Variants in SOX5 observed in about 807,000 individuals in gnomAD.
SOX5 encodes SRY-box transcription factor 5, also known as transcription factor SOX-5.
Under a neutral mutation model 92.0 loss-of-function variants are expected in SOX5, and 9 were observed. That is an observed-to-expected ratio of 0.10 (90% CI 0.06 to 0.17). The LOEUF (loss-of-function observed/expected upper bound fraction) is 0.17, where lower values mean the gene tolerates loss of function less well. Ranked by LOEUF, SOX5 falls within the 10% of genes least tolerant of loss-of-function variation. SOX5 has a pLI of 1.00. For synonymous variants in SOX5, 344 were observed against 336.3 expected (o/e 1.02, Z -0.25); for missense variants, 642 against 944.5 (o/e 0.68, Z 4.20).
At chr12:23,966,185 A>G (rs187245601) in intron 4 of SOX5, among the ~76,000 whole-genome samples, 87 of 119,326 alleles carry the variant, frequency 7.3e-4, no homozygotes, top group African/African-American at 2.7e-3. Context: ...AGATTTCTTC[A>G]GAGGGACACT....
chr12:23,958,600 T>C (rs2139976906), intron 4 of SOX5, among the ~76,000 whole-genome samples: 1 of 152,060 alleles, frequency 6.6e-6, no homozygotes, highest in East Asian at 1.9e-4. Context: ...CCAAAGTCTT[T>C]TGATTACAAA....
At chr12:24,274,335 T>C (rs1001909611) in intron 3 of SOX5, among the ~76,000 whole-genome samples, 9 of 152,216 alleles carry the variant, frequency 5.9e-5, no homozygotes, top group African/African-American at 1.7e-4. Flanking sequence ...TGTCTTCCTA[T>C]TGAATTGAAA....
At chr12:24,289,945 A>G (rs1251863591) in intron 2 of SOX5, among the ~76,000 whole-genome samples, 1 of 152,202 alleles carries the variant, frequency 6.6e-6, no homozygotes, top group Non-Finnish European at 1.5e-5. Flanking sequence ...AAGTGTAAAC[A>G]TCACCAGACT....
At chr12:23,755,302 G>A (rs897907016) in intron 4 of SOX5, among the ~76,000 whole-genome samples, 7 of 151,558 alleles carry the variant, frequency 4.6e-5, no homozygotes, top group Non-Finnish European at 7.4e-5. Context: ...ATAAAATACA[G>A]TTTTTAACCT....
chr12:23,664,829 G>A (rs1593083909), intron 7 of SOX5, among the ~76,000 whole-genome samples: 1 of 152,232 alleles, frequency 6.6e-6, no homozygotes, highest in Middle Eastern at 3.4e-3. Flanking sequence ...GACAGAATCA[G>A]CAACTGCCTT....
intron 1 of SOX5, among the ~76,000 whole-genome samples, chr12:24,502,020 C>T (rs910278796): frequency 6.6e-6 from 1 of 152,186 alleles, no homozygotes; most frequent in Non-Finnish European, 1.5e-5. Context: ...AAACACTCAG[C>T]CTGCAATGGG....
chr12:24,471,918 C>G (rs1944861786), intron 1 of SOX5, among the ~76,000 whole-genome samples: 1 of 151,766 alleles, frequency 6.6e-6, no homozygotes, highest in Admixed American at 6.6e-5. Context: ...CAAAACAAAG[C>G]CTCATAAATG....
intron 6 of SOX5, among the ~76,000 whole-genome samples, chr12:23,710,805 G>A (rs1438745304): frequency 1.3e-5 from 2 of 152,172 alleles, no homozygotes; most frequent in East Asian, 3.9e-4. Flanking sequence ...AGATCCTTGA[G>A]GAATCGCCAC....
At chr12:23,707,514 G>C (rs1037320375) in intron 6 of SOX5, among the ~76,000 whole-genome samples, 3 of 152,110 alleles carry the variant, frequency 2.0e-5, no homozygotes, top group Admixed American at 6.6e-5. Flanking sequence ...ATATAGGCCA[G>C]GGCGTACTAC....
intron 2 of SOX5, among the ~76,000 whole-genome samples, chr12:23,890,359 A>T (rs1399246575): frequency 2.0e-5 from 3 of 152,102 alleles, no homozygotes; most frequent in Non-Finnish European, 2.9e-5. Context: ...CTCAACACAC[A>T]AGTATTTTAA....
At chr12:24,409,004 C>T (rs10771085) in intron 1 of SOX5, among the ~76,000 whole-genome samples, 97,404 of 152,026 alleles carry the variant, frequency 0.64, 31,748 homozygotes, top group East Asian at 0.98. Flanking sequence ...TAAATCATTC[C>T]ACTATAAAGA....
At chr12:24,263,064 A>T (rs1249989754) in intron 3 of SOX5, among the ~76,000 whole-genome samples, 1 of 152,066 alleles carries the variant, frequency 6.6e-6, no homozygotes, top group Non-Finnish European at 1.5e-5. Flanking sequence ...TCTACAAAAA[A>T]AAAAGGAAAA....
chr12:23,588,302 C>G (rs1161595557), intron 9 of SOX5, among the ~76,000 whole-genome samples: 1 of 151,906 alleles, frequency 6.6e-6, no homozygotes, highest in Non-Finnish European at 1.5e-5. Context: ...TTAATTATAA[C>G]GATTTTGGAT....
chr12:23,955,742 T>C (rs1946213482), upstream of SOX5, among the ~76,000 whole-genome samples: 1 of 150,766 alleles, frequency 6.6e-6, no homozygotes, highest in Admixed American at 6.8e-5. Flanking sequence ...AGGTTTCTTT[T>C]GAGTAAAAAA....
chr12:23,967,798 A>G (rs1248505413), intron 4 of SOX5, among the ~76,000 whole-genome samples: 1 of 152,188 alleles, frequency 6.6e-6, no homozygotes, highest in Non-Finnish European at 1.5e-5. Flanking sequence ...TCCTGTCTGT[A>G]TCCTCTGATT....
chr12:24,406,329 G>C (rs1238854548), intron 1 of SOX5, among the ~76,000 whole-genome samples: 1 of 152,156 alleles, frequency 6.6e-6, no homozygotes, highest in Non-Finnish European at 1.5e-5. Context: ...TTGAAGCTGC[G>C]TGGGTCCATC....
rs142939705 is a variant in SOX5, at chr12:23,640,730, G to C, written c.1017+82C>G. 0.012 allele frequency: 11,758 copies of C among 949,450 alleles called. 134 individuals are homozygous for C. The highest frequency in any genetic ancestry group is 0.02 in the South Asian group (1,443 of 72,348). 58.8% of individuals were successfully genotyped at this position (949,450 alleles called of 1,614,324 possible). A position where few individuals can be genotyped will look rare whatever the true frequency, so the allele number is the denominator to read the frequency against. ...AGTGTGAGACGAATATCACGAGTCA[G>C]TTTTATTTTGCTTTAACACCATAAT... On this transcript the variant is annotated intron_variant, in intron 8 of 14. Transcript: ENST00000451604.
intron 4 of SOX5, among the ~76,000 whole-genome samples, chr12:24,082,320 C>T (rs760064873): frequency 2.8e-5 from 4 of 141,982 alleles, no homozygotes; most frequent in South Asian, 4.5e-4. Context: ...TTTAGTTTTG[C>T]CTGGGAGTTT....
chr12:23,580,455 T>C (rs920172923), intron 9 of SOX5, among the ~76,000 whole-genome samples: 1 of 152,036 alleles, frequency 6.6e-6, no homozygotes, highest in African/African-American at 2.4e-5. Flanking sequence ...TTGGTGACTT[T>C]TTTTGTGCTT....
Sources: gnomAD v4.1 joint callset for allele counts (sites outside exome capture counted in the v4.1 genomes callset) on GRCh38, gnomAD v4.1.1 for gene constraint, MANE v1.5 for transcripts, NCBI Gene and HGNC (gene_info 2026-07-23, HGNC 2026-07-21) for gene names.